The following DMXL1 variants were observed in gnomAD, a reference collection of about 807,000 sequenced individuals.
The protein encoded by DMXL1 is Dmx like 1, also known as dmX-like protein 1.
In DMXL1, 99 loss-of-function variants were observed where a neutral mutation model predicts 319.2. That is an observed-to-expected ratio of 0.31 (90% CI 0.26 to 0.37). DMXL1 has a LOEUF of 0.37. Among genes scored for constraint, DMXL1 ranks in the 10% least tolerant of loss-of-function variants. DMXL1 has a pLI of 1.00. For missense variants in DMXL1, 3,745 were observed against 3,595.6 expected (o/e 1.04, Z -1.06); for synonymous variants, 1,385 against 1,235.2 (o/e 1.12, Z -2.54).
chr5:119,193,558 AG>A (rs984923331), intron 29 of DMXL1, among the ~76,000 whole-genome samples: 4 of 152,128 alleles, frequency 2.6e-5, no homozygotes, highest in African/African-American at 9.7e-5. Flanking sequence ...AAAGTAAATG[AG>A]GGTGGTGATT....
intron 38 of DMXL1, among the ~76,000 whole-genome samples, chr5:119,230,410 G>A (rs752561510): frequency 7.2e-5 from 11 of 152,222 alleles, no homozygotes; most frequent in Admixed American, 5.2e-4. Flanking sequence ...TTTTAAGTGC[G>A]TTAGATATAA....
chr5:119,149,314 T>C lies in DMXL1; in HGVS notation c.3487T>C (p.Phe1163Leu), dbSNP rs1275683783. Reference sequence around the variant, plus strand: ...GACTGTAGGAATTGGATCAAAACTTTTTATGTATGGACCCCTGGCTGGCAA... The same window carrying C: ...GACTGTAGGAATTGGATCAAAACTTCTTATGTATGGACCCCTGGCTGGCAA... The part of the protein sequence containing the change: ...ILTVGIGSKL[F>L]MYGPLAGKVQ... The change falls in exon 18 of 44, where the codon TTT becomes CTT. Residue 1163 changes from phenylalanine to leucine, a missense_variant. Coordinates refer to ENST00000539542, the MANE Select transcript of DMXL1 (RefSeq NM_001290321.3). The C allele has an allele frequency of 2.5e-6, 4 of 1,613,814 alleles. No individual in the cohort carries two copies. The highest frequency in any genetic ancestry group is 3.4e-6 in the Non-Finnish European group (4 of 1,179,882).
chr5:119,161,544 C>T (rs1008954639), intron 19 of DMXL1, among the ~76,000 whole-genome samples: 1 of 152,194 alleles, frequency 6.6e-6, no homozygotes, highest in African/African-American at 2.4e-5. Flanking sequence ...TGGGCCAAGC[C>T]CCTGTTTGGC....
chr5:119,091,713 C>T (rs1289752135), intron 1 of DMXL1, among the ~76,000 whole-genome samples: 1 of 152,106 alleles, frequency 6.6e-6, no homozygotes, highest in Non-Finnish European at 1.5e-5. Context: ...GCTGCCGTTC[C>T]TAAAGTGAGG....
intron 29 of DMXL1, among the ~76,000 whole-genome samples, chr5:119,191,876 G>T: frequency 6.6e-6 from 1 of 152,166 alleles, no homozygotes; most frequent in East Asian, 1.9e-4. Flanking sequence ...GTTTTACCCA[G>T]ATCAGATCCC....
In DMXL1 at chr5:119,149,341, G is replaced by A; in HGVS notation, c.3514G>A (p.Val1172Ile). 1.2e-6 allele frequency: 2 copies of A among 1,613,940 alleles called. No individual in the cohort carries two copies. The highest frequency in any genetic ancestry group is 1.7e-6 in the Non-Finnish European group (2 of 1,179,878). ...LFMYGPLAGKVQDQTGKETLA... is the reference protein window; with the variant it reads ...LFMYGPLAGKIQDQTGKETLA... ...TATGTATGGACCCCTGGCTGGCAAG[G>A]TACAAGACCAAACTGGTAAGGAAAC... Residue 1172 changes from valine (V) to isoleucine (I), a missense_variant, in exon 18 of 44, where the codon GTA becomes ATA. Coordinates refer to ENST00000539542, the MANE Select transcript of DMXL1 (RefSeq NM_001290321.3).
chr5:119,136,372 A>G (rs1765993516), intron 13 of DMXL1, among the ~76,000 whole-genome samples: 2 of 152,276 alleles, frequency 1.3e-5, no homozygotes, highest in South Asian at 4.1e-4. Context: ...AGGGAAGCAG[A>G]GCATAAAGGT....
At chr5:119,202,639 G>A (rs2150448682) in intron 32 of DMXL1, among the ~76,000 whole-genome samples, 1 of 151,874 alleles carries the variant, frequency 6.6e-6, no homozygotes, top group South Asian at 2.1e-4. Flanking sequence ...ATCACCTGAG[G>A]TCAGGAGTTC....
intron 1 of DMXL1, among the ~76,000 whole-genome samples, chr5:119,082,812 T>C (rs1219713480): frequency 2.6e-5 from 4 of 152,260 alleles, no homozygotes; most frequent in East Asian, 3.8e-4. Context: ...CTAGGTCTTA[T>C]GACTTCCATC....
intron 37 of DMXL1, among the ~76,000 whole-genome samples, chr5:119,222,726 T>TA (rs374892981): frequency 4.1e-4 from 62 of 152,234 alleles, no homozygotes; most frequent in African/African-American, 1.5e-3. Context: ...AACAAGTCAT[T>TA]AATAGGGCCC....
At chr5:119,165,121 G>A in intron 20 of DMXL1, 62 bp from the exon 21 acceptor site, 1 of 1,017,016 alleles carries the variant, frequency 9.8e-7, no homozygotes, top group Non-Finnish European at 1.5e-6. Context: ...CCTTTCATAT[G>A]AAAGAAATTA....
chr5:119,121,298 T>C (rs752498553), intron 9 of DMXL1, among the ~76,000 whole-genome samples, 159 bp downstream of exon 9: 32 of 152,284 alleles, frequency 2.1e-4, no homozygotes, highest in Admixed American at 3.3e-4. Flanking sequence ...ATTATTTATT[T>C]TTATTGATCA....
chr5:119,125,143 A>T (rs1266526367), intron 9 of DMXL1, among the ~76,000 whole-genome samples: 2 of 152,234 alleles, frequency 1.3e-5, no homozygotes, highest in Non-Finnish European at 2.9e-5. Flanking sequence ...TTTACATCAC[A>T]ACATTGTTAT....
chr5:119,206,952 A>G, intron 34 of DMXL1, 56 bp downstream of exon 34: 1 of 1,093,906 alleles, frequency 9.1e-7, no homozygotes, highest in African/African-American at 1.6e-5. Context: ...AAAAGAACAA[A>G]GCATTTGCAT....
At chr5:119,144,920 A>G (rs1157298687) in intron 15 of DMXL1, among the ~76,000 whole-genome samples, 3 of 151,772 alleles carry the variant, frequency 2.0e-5, no homozygotes, top group East Asian at 3.9e-4. Flanking sequence ...ATGGGGTCCT[A>G]CCCATCCATT....
At chr5:119,097,957 T>G (rs1561570425) in intron 1 of DMXL1, 22 bp from the exon 2 acceptor site, 3 of 1,572,336 alleles carry the variant, frequency 1.9e-6, no homozygotes, top group South Asian at 1.2e-5. Context: ...CTTTTATCAT[T>G]TTTATTTATT....
intron 13 of DMXL1, among the ~76,000 whole-genome samples, chr5:119,142,517 T>TAAAAAAAA (rs148846123): frequency 1.4e-4 from 9 of 62,248 alleles, no homozygotes; most frequent in Admixed American, 1.7e-4. Flanking sequence ...TATTAAAAAG[T>TAAAAAAAA]AAAAAAAAAA....
intron 7 of DMXL1, among the ~76,000 whole-genome samples, chr5:119,117,115 A>G (rs1026045030): frequency 7.9e-5 from 12 of 152,010 alleles, no homozygotes; most frequent in African/African-American, 2.9e-4. Flanking sequence ...TGCAACCTCT[A>G]CCTCCTGGGC....
At chr5:119,154,150 A>G (rs1197719989) in intron 19 of DMXL1, among the ~76,000 whole-genome samples, 6 of 152,228 alleles carry the variant, frequency 3.9e-5, no homozygotes, top group Admixed American at 2.0e-4. Flanking sequence ...CTGAGACATA[A>G]CAATATAGAA....
Sources: gnomAD v4.1 joint callset for allele counts (sites outside exome capture counted in the v4.1 genomes callset) on GRCh38, gnomAD v4.1.1 for gene constraint, MANE v1.5 for transcripts, NCBI Gene and HGNC (gene_info 2026-07-23, HGNC 2026-07-21) for gene names.